AADAT: variants seen among roughly 807,000 people sequenced by gnomAD.
AADAT encodes aminoadipate aminotransferase.
Under a neutral mutation model 56.2 loss-of-function variants are expected in AADAT, and 25 were observed. That is an observed-to-expected ratio of 0.44 (90% CI 0.32 to 0.62). The LOEUF (loss-of-function observed/expected upper bound fraction) is 0.62. AADAT is among the 20% of genes least tolerant of loss of function. The pLI is 0.04. For missense variants in AADAT, 387 were observed against 510.5 expected (o/e 0.76, Z 2.33); for synonymous variants, 173 against 164.7 (o/e 1.05, Z -0.39).
At chr4:170,083,774 T>C (rs890178921) in intron 3 of AADAT, among the ~76,000 whole-genome samples, 1 of 152,160 alleles carries the variant, frequency 6.6e-6, no homozygotes, top group African/African-American at 2.4e-5. Context: ...GGAACCTTTA[T>C]ACACTTTAAT....
chr4:170,072,029 C>G (rs2622071), intron 5 of AADAT, among the ~76,000 whole-genome samples: 6 of 151,968 alleles, frequency 3.9e-5, no homozygotes, highest in African/African-American at 1.5e-4. Context: ...GTGGAGGTAT[C>G]AGCAGAAAGG....
chr4:170,082,443 A>G (rs1030654839), intron 3 of AADAT, among the ~76,000 whole-genome samples: 2 of 152,204 alleles, frequency 1.3e-5, no homozygotes, highest in Non-Finnish European at 2.9e-5. Flanking sequence ...CTAAAAATAA[A>G]GAGCAACAAA....
At chr4:170,085,588 G>T (rs1732521048) in intron 3 of AADAT, among the ~76,000 whole-genome samples, 1 of 152,132 alleles carries the variant, frequency 6.6e-6, no homozygotes, top group South Asian at 2.1e-4. Flanking sequence ...GATGGATAAA[G>T]AAGAAACTGT....
intron 3 of AADAT, among the ~76,000 whole-genome samples, chr4:170,081,834 C>G (rs983699684): frequency 6.6e-6 from 1 of 152,112 alleles, no homozygotes; most frequent in African/African-American, 2.4e-5. Flanking sequence ...GCTACCATTC[C>G]CGGCCCATCC....
At chr4:170,066,391 G>C (rs759788081) in intron 10 of AADAT, 23 bp downstream of exon 10, 1 of 1,603,064 alleles carries the variant, frequency 6.2e-7, no homozygotes, top group Non-Finnish European at 8.5e-7. Flanking sequence ...TTTATCATGA[G>C]GACGAATATA....
chr4:170,093,616 C>CTA (rs879311938), upstream of AADAT, among the ~76,000 whole-genome samples: 45 of 152,238 alleles, frequency 3.0e-4, no homozygotes, highest in African/African-American at 1.0e-3. Flanking sequence ...GGCAGAGTGT[C>CTA]TAGAGTCTCA....
rs1731158988 is a variant in AADAT, at chr4:170,060,915, T to C, written c.*13A>G. ...TAGGTGTGAGCCACCATGCCCAACC[T>C]AGTTTAATTTCTTCATAAAGATTCT... On this transcript the variant is annotated 3_prime_UTR_variant, in exon 13 of 13. Coordinates refer to ENST00000337664, the MANE Select transcript of AADAT (RefSeq NM_016228.4). The C allele has an allele frequency of 6.5e-7, 1 of 1,541,632 alleles. No homozygotes were observed. The highest frequency in any genetic ancestry group is 8.7e-7 in the Non-Finnish European group (1 of 1,143,768).
rs1199712769 is a variant in AADAT at position 170,089,634 on chromosome 4, G to A, written c.57C>T (p.Ile19=). 1 of 1,614,066 alleles carries A rather than the reference G, an allele frequency of 6.2e-7. No individual in the cohort carries two copies. Among genetic ancestry groups the A allele is most frequent in the African/African-American group, 1.3e-5 (1 of 74,932 alleles). Reference sequence around the variant, plus strand: ...CACCCCGTTTCTCACTCATGGTCCGGATGGGAGAAGGGTTTCTGGCTGCGC... The same window carrying A: ...CACCCCGTTTCTCACTCATGGTCCGAATGGGAGAAGGGTTTCTGGCTGCGC... ...AASAARNPSP[I]RTMTDILSRG... is the part of the protein sequence containing the mutation. Residue 19 remains isoleucine, a synonymous_variant, in exon 1 of 13, where the codon ATC becomes ATT. Coordinates refer to ENST00000337664, the MANE Select transcript of AADAT (RefSeq NM_016228.4).
chr4:170,086,401 GGA>G (rs3076682), intron 3 of AADAT, among the ~76,000 whole-genome samples: 8,389 of 151,952 alleles, frequency 0.055, 801 homozygotes, highest in African/African-American at 0.19. Flanking sequence ...AGGGGGAGAG[GGA>G]GAGAGAACCA....
At position 170,089,776 on chromosome 4, in the gene AADAT, A is replaced by T. The variant is rs1315720421; in HGVS notation, c.-86T>A. The T allele has an allele frequency of 7.2e-7, 1 of 1,380,766 alleles. No individual in the cohort carries two copies. The highest frequency in any genetic ancestry group is 1.0e-6 in the Non-Finnish European group (1 of 986,448). The allele number at this position is 1,380,766 out of a possible 1,614,324, so 85.5% of individuals were successfully genotyped here. A position where few individuals can be genotyped will look rare whatever the true frequency, so the allele number is the denominator to read the frequency against. On this transcript the variant is annotated 5_prime_UTR_variant, in exon 1 of 13. Transcript: ENST00000337664. ...GAGCCTCGTCAAGTCCTGCCTGCTA[A>T]CTCCTCACTCTGGCAACGCCACCGC... is the stretch of plus-strand genomic sequence containing the variant.
intron 3 of AADAT, among the ~76,000 whole-genome samples, chr4:170,086,188 G>A (rs1732551007): frequency 6.6e-6 from 1 of 152,044 alleles, no homozygotes; most frequent in African/African-American, 2.4e-5. Context: ...CGAGACTGCA[G>A]GGAGCCGTGA....
intron 6 of AADAT, 81 bp from the exon 7 acceptor site, chr4:170,069,311 C>G: frequency 9.1e-7 from 1 of 1,102,450 alleles, no homozygotes; most frequent in Non-Finnish European, 1.3e-6. Flanking sequence ...GAGAGTAGAA[C>G]AGGAGATGGA....
At chr4:170,089,547 C>T (rs549202149) in intron 1 of AADAT, 77 bp downstream of exon 1, 31 of 1,559,140 alleles carry the variant, frequency 2.0e-5, no homozygotes, top group South Asian at 2.3e-5. Context: ...CAAGCGGTGG[C>T]TTGCTAGGGA....
intron 3 of AADAT, among the ~76,000 whole-genome samples, chr4:170,083,346 C>A (rs1585904): frequency 6.6e-6 from 1 of 151,852 alleles, no homozygotes; most frequent in Non-Finnish European, 1.5e-5. Context: ...AAAATGGAAA[C>A]GCAATATACT....
intron 4 of AADAT, among the ~76,000 whole-genome samples, chr4:170,073,785 T>C (rs142589788): frequency 0.018 from 2,710 of 152,266 alleles, 33 homozygotes; most frequent in Non-Finnish European, 0.029. Flanking sequence ...AGCCGTGAGC[T>C]GCCACGCCCC....
Position 170,087,237 on chromosome 4 carries a change from A to G in AADAT, c.248T>C (p.Leu83Pro), listed in dbSNP as rs1200059484. The change falls in exon 3 of 13, where the codon CTT (leucine) becomes CCT (proline). Residue 83 changes from leucine to proline, a missense_variant. Physicochemically the swap from Leu to Pro is moderately conservative, Grantham distance 98. Transcript: ENST00000337664. Reference sequence around the variant, plus strand: ...TTGTAACTGTTTTAGCCAGGACAAAAGCTCTGGAATTCTAAAGCAAAAAAT... The same window carrying G: ...TTGTAACTGTTTTAGCCAGGACAAAGGCTCTGGAATTCTAAAGCAAAAAAT... ...QYSPSAGIPE[L>P]LSWLKQLQIK... The G allele has an allele frequency of 6.2e-7, 1 of 1,612,378 alleles. No homozygotes were observed. Among genetic ancestry groups the G allele is most frequent in the African/African-American group, 1.3e-5 (1 of 74,842 alleles).
chr4:170,077,133 G>T (rs1260281561), intron 4 of AADAT, among the ~76,000 whole-genome samples: 2 of 152,146 alleles, frequency 1.3e-5, no homozygotes, highest in African/African-American at 4.8e-5. Context: ...GGAAGTGGGG[G>T]TCTTCCAAAT....
chr4:170,081,835 C>T (rs927864816), intron 3 of AADAT, among the ~76,000 whole-genome samples: 59 of 152,220 alleles, frequency 3.9e-4, no homozygotes, highest in African/African-American at 1.2e-3. Context: ...CTACCATTCC[C>T]GGCCCATCCA....
Sources: allele counts gnomAD v4.1 joint callset (sites outside exome capture counted in the v4.1 genomes callset), GRCh38; gene constraint gnomAD v4.1.1; transcripts MANE v1.5; gene names NCBI Gene and HGNC (gene_info 2026-07-23, HGNC 2026-07-21).